Variants in RELB observed in about 807,000 individuals in gnomAD.
The protein encoded by RELB is transcription factor RelB.
In RELB, 14 loss-of-function variants were observed where a neutral mutation model predicts 55.4. The observed-to-expected ratio is 0.25, with a 90% CI of 0.17 to 0.40. The LOEUF (loss-of-function observed/expected upper bound fraction) is 0.40. Among genes scored for constraint, RELB ranks in the 10% least tolerant of loss-of-function variants. RELB has a pLI of 1.00. For synonymous variants in RELB, 409 were observed against 371.3 expected (o/e 1.10, Z -1.17); for missense variants, 669 against 830.7 (o/e 0.81, Z 2.39).
At chr19:45,016,186 T>C (rs1417457866) in intron 4 of RELB, among the ~76,000 whole-genome samples, 4 of 151,992 alleles carry the variant, frequency 2.6e-5, no homozygotes, top group East Asian at 1.9e-4. Context: ...GGTTTCACCA[T>C]GTTGGCCAGG....
Position 45,012,216 on chromosome 19 carries a change from G to T in RELB, c.444G>T (p.Ser148=). The part of the protein sequence containing the change: ...MRFRYECEGR[S]AGSILGESST... Reference sequence around the variant, plus strand: ...TCCGCTACGAGTGCGAGGGCCGCTCGGCCGGCAGCATCCTTGGGGAGAGCA... The same window carrying T: ...TCCGCTACGAGTGCGAGGGCCGCTCTGCCGGCAGCATCCTTGGGGAGAGCA... The change falls in exon 4 of 12, where the codon TCG becomes TCT. Residue 148 remains serine (S), a synonymous_variant. Coordinates refer to ENST00000221452, the MANE Select transcript of RELB (RefSeq NM_006509.4). 1 of 1,496,808 alleles carries T rather than the reference G, an allele frequency of 6.7e-7. No homozygotes were observed. The highest frequency in any genetic ancestry group is 8.8e-7 in the Non-Finnish European group (1 of 1,137,678). The allele number at this position is 1,496,808 out of a possible 1,614,324, so 92.7% of individuals were successfully genotyped here. A position where few individuals can be genotyped will look rare whatever the true frequency, so the allele number is the denominator to read the frequency against.
intron 7 of RELB, 74 bp from the exon 8 acceptor site, chr19:45,028,814 G>T: frequency 7.9e-7 from 1 of 1,273,576 alleles, no homozygotes; most frequent in Non-Finnish European, 1.1e-6. Context: ...CACCCACTGG[G>T]TGCCCAGTAA....
At chr19:45,032,341 C>T (rs1215673403) in intron 8 of RELB, 193 bp from the exon 9 acceptor site, 20 of 530,070 alleles carry the variant, frequency 3.8e-5, no homozygotes, top group Non-Finnish European at 5.5e-5. Flanking sequence ...ATTGCTTGAA[C>T]CCGGGAGGCA....
rs754848922 is a variant in RELB at position 45,003,020 on chromosome 19, G to A, written c.154+24G>A. On this transcript the variant is annotated intron_variant, in intron 2 of 11. Coordinates refer to ENST00000221452, the MANE Select transcript of RELB (RefSeq NM_006509.4). ...AGGTGAGCAGCCCTCCACAGTTCCT[G>A]CCCACTCGCTCATGCAGGATGAGGT... The A allele has an allele frequency of 1.2e-5, 19 of 1,609,018 alleles. No individual in the cohort carries two copies. The Admixed American group carries it at 1.5e-4, about 13-fold the overall frequency.
At chr19:45,021,978 A>C (rs1011075993) in intron 4 of RELB, 75 bp from the exon 5 acceptor site, 38 of 1,440,500 alleles carry the variant, frequency 2.6e-5, no homozygotes, top group Non-Finnish European at 3.5e-5. Flanking sequence ...GGAGCTGCCA[A>C]GGAAGGCCCC....
chr19:45,012,126 G>A lies in RELB; in HGVS notation c.354G>A (p.Ala118=). 2 of 1,556,210 alleles carry A rather than the reference G, an allele frequency of 1.3e-6. No individual in the cohort carries two copies. The highest frequency in any genetic ancestry group is 1.7e-6 in the Non-Finnish European group (2 of 1,160,038). Residue 118 remains alanine, a synonymous_variant, in exon 4 of 12, where the codon GCG becomes GCA. Coordinates refer to ENST00000221452, the MANE Select transcript of RELB (RefSeq NM_006509.4). ...CCCTGGGCCGACTAGTGTCCCCAGCGCCGGGCCCGGGCCCGCAGCCGCACC... is the reference window on the plus strand; with the variant it reads ...CCCTGGGCCGACTAGTGTCCCCAGCACCGGGCCCGGGCCCGCAGCCGCACC... The part of the protein sequence containing the change: ...GCPLGRLVSP[A]PGPGPQPHLV...
intron 4 of RELB, among the ~76,000 whole-genome samples, chr19:45,014,168 C>CTTTT (rs113601074): frequency 5.5e-5 from 7 of 126,786 alleles, no homozygotes; most frequent in African/African-American, 1.5e-4. Context: ...ATTTCTAAGG[C>CTTTT]TTTTTTTTTT....
intron 8 of RELB, among the ~76,000 whole-genome samples, chr19:45,031,078 AG>A (rs1188782423): frequency 6.6e-6 from 1 of 152,148 alleles, no homozygotes; most frequent in African/African-American, 2.4e-5. Flanking sequence ...CAGTACATGG[AG>A]GTACTGTGAT....
chr19:45,016,952 G>C (rs1470960282), intron 4 of RELB, among the ~76,000 whole-genome samples: 1 of 152,150 alleles, frequency 6.6e-6, no homozygotes, highest in African/African-American at 2.4e-5. Context: ...TCGAATCTTT[G>C]GCAGGATGTT....
At chr19:45,009,898 G>A (rs1461983008) in intron 3 of RELB, 76 bp downstream of exon 3, 12 of 1,270,666 alleles carry the variant, frequency 9.4e-6, no homozygotes, top group Non-Finnish European at 1.2e-5. Flanking sequence ...GGCCTTCCTT[G>A]TTCAGTGGGG....
chr19:45,037,533 G>T lies in RELB; in HGVS notation c.1483G>T (p.Ala495Ser). ...CGATGGCTTTGCCTACGACCCTACG[G>T]CCCCCACACTCTTCACCATGCTGGA... ...LDDGFAYDPT[A>S]PTLFTMLDLL... Residue 495 changes from alanine to serine, a missense_variant, in exon 12 of 12, where the codon GCC becomes TCC. By Grantham distance (99) the Ala-to-Ser change is moderately conservative (BLOSUM62 1). Around this residue, in one of 3 missense-constraint regions of RELB, gnomAD observed 341 missense variants for 436.8 expected, o/e 0.78. Transcript: ENST00000221452. The T allele has an allele frequency of 6.2e-7, 1 of 1,613,280 alleles. No homozygotes were observed. Among genetic ancestry groups the T allele is most frequent in the Non-Finnish European group, 8.5e-7 (1 of 1,179,720 alleles).
chr19:45,025,500 C>A, intron 6 of RELB, 80 bp downstream of exon 6: 1 of 1,560,842 alleles, frequency 6.4e-7, no homozygotes, highest in Non-Finnish European at 8.8e-7. Context: ...CCCCTCACCA[C>A]TCCAGGCCCC....
At chr19:45,020,927 C>T (rs543657267) in intron 4 of RELB, among the ~76,000 whole-genome samples, 62 of 152,210 alleles carry the variant, frequency 4.1e-4, no homozygotes, top group African/African-American at 1.2e-3. Flanking sequence ...GTCATCCCAG[C>T]GCTTTAGGAG....
intron 7 of RELB, among the ~76,000 whole-genome samples, chr19:45,027,973 G>A (rs936683632): frequency 6.6e-6 from 1 of 152,004 alleles, no homozygotes; most frequent in Non-Finnish European, 1.5e-5. Context: ...CTGAACTCCT[G>A]GGCTCAAGTG....
chr19:45,009,501 C>G (rs1010405550), intron 2 of RELB, among the ~76,000 whole-genome samples: 3 of 152,162 alleles, frequency 2.0e-5, no homozygotes, highest in Non-Finnish European at 4.4e-5. Context: ...GGTGCTAAGA[C>G]CCCTTTCTAA....
intron 2 of RELB, among the ~76,000 whole-genome samples, chr19:45,005,036 T>C (rs1190811779): frequency 6.6e-6 from 1 of 151,940 alleles, no homozygotes; most frequent in Non-Finnish European, 1.5e-5. Flanking sequence ...CCAGGCGTGG[T>C]GGCAGGCACC....
In RELB at chr19:45,028,956, G is replaced by A. The variant is rs746883852; in HGVS notation, c.955G>A (p.Glu319Lys). ...NKESGPCTGGEELYLLCDKVQ... is the reference protein window; with the variant it reads ...NKESGPCTGGKELYLLCDKVQ... ...GGAAAGCGGGCCGTGCACCGGTGGCGAGGAGCTCTACTTGCTCTGCGACAA... is the reference window on the plus strand; with the variant it reads ...GGAAAGCGGGCCGTGCACCGGTGGCAAGGAGCTCTACTTGCTCTGCGACAA... Residue 319 changes from glutamate (E) to lysine (K), a missense_variant, in exon 8 of 12, where the codon GAG becomes AAG. Glu to Lys is a moderately conservative substitution (Grantham distance 56, BLOSUM62 1). Transcript: ENST00000221452. 1.1e-5 allele frequency: 17 copies of A among 1,595,218 alleles called. No homozygotes were observed. Among genetic ancestry groups the A allele is most frequent in the African/African-American group, 8.1e-5 (6 of 74,498 alleles).
chr19:45,028,411 G>T (rs1971582877), intron 7 of RELB, among the ~76,000 whole-genome samples: 1 of 152,106 alleles, frequency 6.6e-6, no homozygotes, highest in African/African-American at 2.4e-5. Flanking sequence ...GTGCAGTGGT[G>T]CAATCTCAGC....
At chr19:45,004,668 G>C (rs1971261400) in intron 2 of RELB, among the ~76,000 whole-genome samples, 1 of 150,442 alleles carries the variant, frequency 6.6e-6, no homozygotes, top group African/African-American at 2.4e-5. Flanking sequence ...GGGAGTTCTA[G>C]ACCAGGCTGA....
Sources: allele counts gnomAD v4.1 joint callset (sites outside exome capture counted in the v4.1 genomes callset), GRCh38; gene constraint gnomAD v4.1.1; regional missense constraint gnomAD v4.1.1; transcripts MANE v1.5; gene names NCBI Gene and HGNC (gene_info 2026-07-23, HGNC 2026-07-21).